Variants in SAMMSON observed in about 807,000 individuals in gnomAD.
SAMMSON encodes long intergenic non-protein coding RNA 1212.
chr3:70,403,824 G>A (rs931976682), intron 2 of SAMMSON, among the ~76,000 whole-genome samples: 2 of 152,048 alleles, frequency 1.3e-5, no homozygotes, highest in African/African-American at 4.8e-5. Flanking sequence ...TATACATAAT[G>A]TATACAGATA....
chr3:70,315,573 G>T (rs188607739), intron 7 of SAMMSON, among the ~76,000 whole-genome samples: 247 of 152,106 alleles, frequency 1.6e-3, no homozygotes, highest in African/African-American at 5.6e-3. Flanking sequence ...GGACATTAAG[G>T]GTATTCCATA....
At position 70,277,615 on chromosome 3, in the gene SAMMSON, C is replaced by A. The variant is rs77187356; in HGVS notation, n.675-13564C>A. On this transcript the variant is annotated intron_variant and non_coding_transcript_variant, in intron 6 of 9. Transcript: ENST00000642114. ...AATAATGCTGTGTCATACTTCAAAA[C>A]TGCTACTTGGTTTTATGGTTTATTT... Among the ~76,000 whole-genome samples, 295 of 152,244 alleles carry A rather than the reference C, an allele frequency of 1.9e-3. 12 individuals carry two copies. In the East Asian group the frequency reaches 0.052, roughly 27 times the overall value.
chr3:70,426,235 C>A (rs1202602582), intron 2 of SAMMSON, among the ~76,000 whole-genome samples: 1 of 152,176 alleles, frequency 6.6e-6, no homozygotes, highest in African/African-American at 2.4e-5. Flanking sequence ...TTGATCCTGA[C>A]CATTTGTCTG....
chr3:70,067,089 A>G (rs1449351182), intron 3 of SAMMSON, among the ~76,000 whole-genome samples: 2 of 152,014 alleles, frequency 1.3e-5, no homozygotes, highest in Admixed American at 1.3e-4. Flanking sequence ...TAATAAGACC[A>G]TCTAGAAGGG....
intron 2 of SAMMSON, among the ~76,000 whole-genome samples, chr3:70,434,079 C>T (rs1073810): frequency 0.12 from 18,140 of 152,066 alleles, 1,350 homozygotes; most frequent in East Asian, 0.3. Context: ...GGGTTATAAC[C>T]GTCCTCTGAA....
chr3:70,340,989 A>G (rs1367358019), intron 7 of SAMMSON, among the ~76,000 whole-genome samples: 1 of 152,142 alleles, frequency 6.6e-6, no homozygotes, highest in Non-Finnish European at 1.5e-5. Flanking sequence ...TAAAATATGC[A>G]TAATGCTGAA....
At chr3:70,124,547 T>C (rs2067447625) in intron 4 of SAMMSON, among the ~76,000 whole-genome samples, 1 of 152,058 alleles carries the variant, frequency 6.6e-6, no homozygotes, top group Non-Finnish European at 1.5e-5. Flanking sequence ...GTACCGTGGC[T>C]CACGCCTGTA....
chr3:70,199,947 C>T (rs1218617617), intron 4 of SAMMSON, among the ~76,000 whole-genome samples: 1 of 152,194 alleles, frequency 6.6e-6, no homozygotes, highest in Non-Finnish European at 1.5e-5. Flanking sequence ...TCTCTCTCTC[C>T]CCAGTCCTAC....
intron 4 of SAMMSON, among the ~76,000 whole-genome samples, chr3:70,174,036 A>G (rs1700984706): frequency 6.6e-6 from 1 of 151,914 alleles, no homozygotes; most frequent in Non-Finnish European, 1.5e-5. Flanking sequence ...CTTAACTCCT[A>G]AATTACATCC....
chr3:70,047,867 C>G (rs1189086606), intron 3 of SAMMSON, among the ~76,000 whole-genome samples: 1 of 152,074 alleles, frequency 6.6e-6, no homozygotes, highest in East Asian at 1.9e-4. Flanking sequence ...GAGAGTTGAT[C>G]TGCTCTTGCA....
chr3:70,355,193 C>A (rs1702820436), intron 8 of SAMMSON, among the ~76,000 whole-genome samples: 1 of 152,146 alleles, frequency 6.6e-6, no homozygotes, highest in African/African-American at 2.4e-5. Context: ...CGCTGGAGAT[C>A]TGGTTGAGAA....
intron 2 of SAMMSON, among the ~76,000 whole-genome samples, chr3:70,398,667 A>G (rs1476618664): frequency 6.6e-6 from 1 of 152,192 alleles, no homozygotes; most frequent in Non-Finnish European, 1.5e-5. Context: ...TTGGAATCCT[A>G]AAGATGTCCT....
At chr3:70,133,449 T>C (rs571234938) in intron 4 of SAMMSON, among the ~76,000 whole-genome samples, 4 of 152,296 alleles carry the variant, frequency 2.6e-5, no homozygotes, top group South Asian at 4.1e-4. Flanking sequence ...CTGAGTTGCA[T>C]CCTTTTATAA....
intron 7 of SAMMSON, among the ~76,000 whole-genome samples, chr3:70,326,468 G>C (rs1343165160): frequency 6.6e-6 from 1 of 152,130 alleles, no homozygotes; most frequent in Admixed American, 6.5e-5. Context: ...TTAAGTGTGG[G>C]CAGTTATTAT....
chr3:70,349,432 G>C (rs1702775318), intron 7 of SAMMSON, among the ~76,000 whole-genome samples: 1 of 152,002 alleles, frequency 6.6e-6, no homozygotes, highest in African/African-American at 2.4e-5. Flanking sequence ...ATTTGCCAGA[G>C]CATGTAAGGC....
intron 4 of SAMMSON, among the ~76,000 whole-genome samples, chr3:70,090,036 T>C (rs2067299739): frequency 2.6e-5 from 4 of 152,222 alleles, no homozygotes. Context: ...AATTCTTTCC[T>C]ACCCTTTTTT....
At chr3:70,380,652 A>G (rs559470999) in intron 9 of SAMMSON, among the ~76,000 whole-genome samples, 1 of 151,990 alleles carries the variant, frequency 6.6e-6, no homozygotes, top group African/African-American at 2.4e-5. Context: ...TTAACTCGTC[A>G]TTTAACATTA....
intron 4 of SAMMSON, among the ~76,000 whole-genome samples, chr3:70,180,350 T>G (rs1239147093): frequency 6.6e-6 from 1 of 151,996 alleles, no homozygotes; most frequent in East Asian, 1.9e-4. Flanking sequence ...ACTCCAATAA[T>G]AACAACAATA....
intron 4 of SAMMSON, among the ~76,000 whole-genome samples, chr3:70,233,800 C>T (rs1701584348): frequency 6.6e-6 from 1 of 152,118 alleles, no homozygotes; most frequent in Non-Finnish European, 1.5e-5. Flanking sequence ...GAAAGTTATT[C>T]AGATTGTTGC....
Sources: gnomAD v4.1 joint callset for allele counts (sites outside exome capture counted in the v4.1 genomes callset) on GRCh38, gnomAD v4.1.1 for gene constraint, MANE v1.5 for transcripts, NCBI Gene and HGNC (gene_info 2026-07-23, HGNC 2026-07-21) for gene names.